The following ESYT2 variants were observed in gnomAD, a reference collection of about 807,000 sequenced individuals.
ESYT2 encodes the protein extended synaptotagmin 2.
Under a neutral mutation model 107.2 loss-of-function variants are expected in ESYT2, and 54 were observed. The observed-to-expected ratio is 0.50, with a 90% CI of 0.40 to 0.63. ESYT2 has a LOEUF of 0.63. Ranked by LOEUF, ESYT2 falls within the 30% of genes least tolerant of loss-of-function variation. The pLI is 0.00. For synonymous variants in ESYT2, 491 were observed against 434.1 expected (o/e 1.13, Z -1.63); for missense variants, 1,020 against 1,094.5 (o/e 0.93, Z 0.96).
rs537679965 is a variant in ESYT2, at chr7:158,817,833, TATC to T, written c.330+11253_330+11255del. ...TTCATAAGAAAATGGAAGGTGAAAG[TATC>T]ATTCAGATTAATAATTTTAGCAATT... On this transcript the variant is annotated intron_variant, in intron 1 of 22. Transcript: ENST00000275418. Among the ~76,000 whole-genome samples, 382 of 152,364 alleles carry T rather than the reference TATC, an allele frequency of 2.5e-3. 5 individuals are homozygous for T. Among genetic ancestry groups the T allele is most frequent in the African/African-American group, 9.0e-3 (375 of 41,578 alleles).
rs147186399 is a variant in ESYT2 at position 158,779,776 on chromosome 7, G to C, written c.748-6380C>G. 8.1e-3 allele frequency among the ~76,000 whole-genome samples: 1,236 copies of C among 152,312 alleles called. 12 individuals carry two copies. The highest frequency in any genetic ancestry group is 0.014 in the Non-Finnish European group (949 of 68,022). ...TAAGTCTCTCTACGTGGAATGACTG[G>C]CAGACAGCCCAGGCCCATATTTGCT... On this transcript the variant is annotated intron_variant, in intron 6 of 22. Coordinates refer to ENST00000275418, the MANE Select transcript of ESYT2 (RefSeq NM_001367773.1).
In ESYT2 at chr7:158,793,635, CA is replaced by C. The variant is rs1563024149; in HGVS notation, c.584+14del. The C allele has an allele frequency of 6.3e-7, 1 of 1,581,078 alleles. No individual in the cohort carries two copies. Among genetic ancestry groups the C allele is most frequent in the Non-Finnish European group, 8.7e-7 (1 of 1,151,188 alleles). On this transcript the variant is annotated intron_variant, in intron 4 of 22. Transcript: ENST00000275418. ...GCCATTAACCATAACACAAATATAACAAATAAAAACTTACCTAATCTGAAGG... is the reference window on the plus strand; with the variant it reads ...GCCATTAACCATAACACAAATATAACAATAAAAACTTACCTAATCTGAAGG...
chr7:158,765,195 AG>A (rs1306564700), intron 8 of ESYT2, among the ~76,000 whole-genome samples: 1 of 152,092 alleles, frequency 6.6e-6, no homozygotes. Flanking sequence ...CGCCGAATGC[AG>A]AGGACCCAGC....
chr7:158,802,349 C>G (rs1410316055), intron 1 of ESYT2, among the ~76,000 whole-genome samples: 1 of 152,024 alleles, frequency 6.6e-6, no homozygotes, highest in Non-Finnish European at 1.5e-5. Flanking sequence ...TGCAGTGGCA[C>G]GATCTCAGCT....
chr7:158,790,529 T>C (rs1045454858), intron 4 of ESYT2, among the ~76,000 whole-genome samples: 2 of 152,214 alleles, frequency 1.3e-5, no homozygotes, highest in East Asian at 3.9e-4. Context: ...CGAGACCCTA[T>C]GGGGGGTGTG....
chr7:158,804,509 CTGAGAAAA>C (rs1839762309), intron 1 of ESYT2, among the ~76,000 whole-genome samples: 3 of 136,312 alleles, frequency 2.2e-5, no homozygotes, highest in African/African-American at 8.8e-5. Flanking sequence ...ACCCAAACTG[CTGAGAAAA>C]GTGAGGCGCG....
intron 16 of ESYT2, among the ~76,000 whole-genome samples, chr7:158,745,389 A>T (rs1201961060): frequency 6.6e-6 from 1 of 152,210 alleles, no homozygotes; most frequent in Non-Finnish European, 1.5e-5. Flanking sequence ...GCTGAGGAAA[A>T]AAACATAAAT....
intron 9 of ESYT2, among the ~76,000 whole-genome samples, chr7:158,763,728 C>T (rs1482803584): frequency 1.3e-5 from 2 of 152,144 alleles, no homozygotes; most frequent in Non-Finnish European, 2.9e-5. Context: ...GATTGCGTCT[C>T]AATAGATCAA....
intron 7 of ESYT2, among the ~76,000 whole-genome samples, chr7:158,771,137 C>A (rs1444187611): frequency 6.6e-6 from 1 of 152,190 alleles, no homozygotes; most frequent in Non-Finnish European, 1.5e-5. Flanking sequence ...TAAAATGAAT[C>A]AGGGGATCAA....
intron 3 of ESYT2, among the ~76,000 whole-genome samples, chr7:158,796,149 T>C (rs1461883550): frequency 2.0e-5 from 3 of 152,206 alleles, no homozygotes; most frequent in African/African-American, 4.8e-5. Flanking sequence ...GACTCTGCTG[T>C]GTGTGCAACA....
chr7:158,781,265 AAGTGAGTGAACG>A (rs1266702939), intron 6 of ESYT2, among the ~76,000 whole-genome samples: 1 of 149,204 alleles, frequency 6.7e-6, no homozygotes, highest in African/African-American at 2.5e-5. Flanking sequence ...GTGAGTGAAC[AAGTGAGTGAACG>A]AGTGTGAGAA....
chr7:158,818,828 G>C (rs568048720), intron 1 of ESYT2, among the ~76,000 whole-genome samples: 8 of 152,368 alleles, frequency 5.3e-5, no homozygotes, highest in Non-Finnish European at 1.0e-4. Flanking sequence ...ACCCACCAGA[G>C]CCAGAGCCTG....
chr7:158,772,199 TAATG>T, intron 7 of ESYT2, among the ~76,000 whole-genome samples: 1 of 152,344 alleles, frequency 6.6e-6, no homozygotes, highest in South Asian at 2.1e-4. Flanking sequence ...ACCAGAATCT[TAATG>T]AACTCTTTAA....
intron 3 of ESYT2, among the ~76,000 whole-genome samples, chr7:158,796,897 GCCTCCC>G: frequency 6.7e-6 from 1 of 148,240 alleles, no homozygotes; most frequent in East Asian, 2.0e-4. Flanking sequence ...CAGCCGGAAG[GCCTCCC>G]GACAGAGACG....
chr7:158,826,204 T>C (rs1212647190), intron 1 of ESYT2, among the ~76,000 whole-genome samples: 2 of 152,192 alleles, frequency 1.3e-5, no homozygotes, highest in Non-Finnish European at 2.9e-5. Flanking sequence ...AAATAAAGTA[T>C]ATTACACTTT....
chr7:158,791,949 CTTCT>C (rs77080851), intron 4 of ESYT2, among the ~76,000 whole-genome samples: 19,345 of 151,988 alleles, frequency 0.13, 1,385 homozygotes, highest in African/African-American at 0.2. Context: ...TTATTTGTAT[CTTCT>C]TTGATTTCTT....
intron 1 of ESYT2, among the ~76,000 whole-genome samples, chr7:158,826,912 C>A (rs561654844): frequency 1.3e-4 from 20 of 151,548 alleles, no homozygotes; most frequent in African/African-American, 4.6e-4. Context: ...CGCCTGTAAT[C>A]CCTGCACTTG....
chr7:158,785,398 C>T (rs1477903735), intron 6 of ESYT2, among the ~76,000 whole-genome samples: 1 of 151,352 alleles, frequency 6.6e-6, no homozygotes, highest in Non-Finnish European at 1.5e-5. Flanking sequence ...GCACTCCAGC[C>T]TGGGTGACAA....
chr7:158,807,834 T>C (rs1422145625), intron 1 of ESYT2, among the ~76,000 whole-genome samples: 1 of 152,206 alleles, frequency 6.6e-6, no homozygotes, highest in African/African-American at 2.4e-5. Flanking sequence ...TACAAATTAC[T>C]TTCTTCCAGC....
Sources: allele counts gnomAD v4.1 joint callset (sites outside exome capture counted in the v4.1 genomes callset), GRCh38; gene constraint gnomAD v4.1.1; transcripts MANE v1.5; gene names NCBI Gene and HGNC (gene_info 2026-07-23, HGNC 2026-07-21).